Variants in DNAH6 observed in about 807,000 individuals in gnomAD.
The protein encoded by DNAH6 is dynein axonemal heavy chain 6.
A neutral mutation model predicts 491.4 loss-of-function variants in DNAH6; 340 were observed. The ratio of observed to expected loss-of-function variants is 0.69; its 90% CI spans 0.63 to 0.76. The LOEUF is 0.76. Ranked by LOEUF, DNAH6 falls within the 30% of genes least tolerant of loss-of-function variation. The pLI is 0.00. For missense variants in DNAH6, 4,443 were observed against 4,972.2 expected (o/e 0.89, Z 3.20); for synonymous variants, 1,603 against 1,686.1 (o/e 0.95, Z 1.21).
At position 84,550,026 on chromosome 2, in the gene DNAH6, C is replaced by G; in HGVS notation, c.1454C>G (p.Thr485Ser). Reference sequence around the variant, plus strand: ...GCAGATGTCATTCAGAAATGGATTACTGAAGAGAAGCCTGAAGTCCCTGAT... The same window carrying G: ...GCAGATGTCATTCAGAAATGGATTAGTGAAGAGAAGCCTGAAGTCCCTGAT... ...PSADVIQKWI[T>S]EEKPEVPDKK... Residue 485 changes from threonine (T) to serine (S), a missense_variant, in exon 9 of 77, where the codon ACT (threonine) becomes AGT (serine). By Grantham distance (58) the Thr-to-Ser change is moderately conservative. Coordinates refer to ENST00000389394, the MANE Select transcript of DNAH6 (RefSeq NM_001370.2). 1.2e-6 allele frequency: 2 copies of G among 1,613,410 alleles called. No individual in the cohort carries two copies. The highest frequency in any genetic ancestry group is 1.7e-6 in the Non-Finnish European group (2 of 1,179,822).
intron 59 of DNAH6, among the ~76,000 whole-genome samples, chr2:84,721,791 G>A (rs149448977): frequency 2.6e-5 from 4 of 152,268 alleles, no homozygotes; most frequent in Non-Finnish European, 2.9e-5. Context: ...CTTTGATGGA[G>A]CAAATACTGA....
At chr2:84,806,634 A>G (rs1679438351) in intron 71 of DNAH6, among the ~76,000 whole-genome samples, 2 of 141,818 alleles carry the variant, frequency 1.4e-5, no homozygotes. Flanking sequence ...AAAAAAAAAA[A>G]AAAAAAAAGG....
chr2:84,736,841 T>G (rs938312837), intron 62 of DNAH6, among the ~76,000 whole-genome samples: 19 of 152,190 alleles, frequency 1.2e-4, no homozygotes, highest in African/African-American at 4.1e-4. Context: ...CCTGATTGCT[T>G]TGGCTAGGAC....
At chr2:84,691,390 A>G (rs1386631457) in intron 45 of DNAH6, among the ~76,000 whole-genome samples, 1 of 152,238 alleles carries the variant, frequency 6.6e-6, no homozygotes, top group African/African-American at 2.4e-5. Context: ...ATTATTATCT[A>G]TTCACTCTGC....
chr2:84,713,674 C>T (rs1697260925), intron 57 of DNAH6, among the ~76,000 whole-genome samples: 1 of 152,158 alleles, frequency 6.6e-6, no homozygotes, highest in Non-Finnish European at 1.5e-5. Context: ...TGAATCAGAG[C>T]TTAGTTGAGA....
chr2:84,639,327 T>C (rs1689167304), intron 31 of DNAH6, among the ~76,000 whole-genome samples: 1 of 152,098 alleles, frequency 6.6e-6, no homozygotes, highest in African/African-American at 2.4e-5. Flanking sequence ...TAGTACTCAG[T>C]AATGGATTGG....
Position 84,540,623 on chromosome 2 carries a change from G to T in DNAH6, c.663-3610G>T, listed in dbSNP as rs72939153. On this transcript the variant is annotated intron_variant, in intron 4 of 76. Transcript: ENST00000389394. ...GTTCACTTTGAGTTATATCTGAAAT[G>T]ACTAATAATAATAGGACAATGATTG... Among the ~76,000 whole-genome samples the T allele has an allele frequency of 1.7e-3, 263 of 152,224 alleles. 1 individual carries two copies. The highest frequency in any genetic ancestry group is 0.014 in the Middle Eastern group (4 of 294).
At chr2:84,781,063 C>T (rs1470297407) in intron 64 of DNAH6, among the ~76,000 whole-genome samples, 1 of 152,134 alleles carries the variant, frequency 6.6e-6, no homozygotes, top group Non-Finnish European at 1.5e-5. Context: ...TTGACCCATA[C>T]ACTAATAATA....
intron 35 of DNAH6, among the ~76,000 whole-genome samples, chr2:84,655,853 A>G (rs566008560): frequency 3.1e-4 from 47 of 152,100 alleles, no homozygotes; most frequent in Non-Finnish European, 5.0e-4. Flanking sequence ...CTTTGTGTGC[A>G]ATTCATGGGT....
Position 84,686,477 on chromosome 2 carries a change from TA to T in DNAH6, c.7064-4del, listed in dbSNP as rs1335680275. ...ATATTTAAAACTTGGTTTTGTTCTT[TA>T]AATAGACAAACATTTTGGAATTGCA... On this transcript the variant is annotated splice_polypyrimidine_tract_variant and splice_region_variant and intron_variant, in intron 43 of 76. Coordinates refer to ENST00000389394, the MANE Select transcript of DNAH6 (RefSeq NM_001370.2). The T allele has an allele frequency of 6.7e-6, 10 of 1,499,318 alleles. No homozygotes were observed. The highest frequency in any genetic ancestry group is 1.7e-4 in the Middle Eastern group (1 of 5,836). 92.9% of individuals were successfully genotyped at this position (1,499,318 alleles called of 1,614,324 possible). A position where few individuals can be genotyped will look rare whatever the true frequency, so the allele number is the denominator to read the frequency against.
In DNAH6 at chr2:84,805,713, A is replaced by T; in HGVS notation, c.11530A>T (p.Arg3844Trp). ...LINTILEVQP[R>W]SSTGGEGKSN... is the part of the protein sequence containing the mutation. The stretch of plus-strand genomic sequence containing the variant: ...CAACACCATACTTGAGGTTCAGCCA[A>T]GGTCATCTACTGGTGGAGAGGGAAA... The change falls in exon 71 of 77, where the codon AGG becomes TGG. Residue 3844 changes from arginine (R) to tryptophan (W), a missense_variant. Coordinates refer to ENST00000389394, the MANE Select transcript of DNAH6 (RefSeq NM_001370.2). 6.4e-7 allele frequency: 1 copy of T among 1,551,826 alleles called. No individual in the cohort carries two copies. The highest frequency in any genetic ancestry group is 8.7e-7 in the Non-Finnish European group (1 of 1,146,958).
At chr2:84,759,931 G>C (rs921448287) in intron 63 of DNAH6, among the ~76,000 whole-genome samples, 1 of 152,162 alleles carries the variant, frequency 6.6e-6, no homozygotes, top group African/African-American at 2.4e-5. Flanking sequence ...CAAGGCTATA[G>C]TAATGAAAAC....
chr2:84,570,028 A>G (rs1255663964), intron 11 of DNAH6, among the ~76,000 whole-genome samples: 1 of 151,836 alleles, frequency 6.6e-6, no homozygotes, highest in African/African-American at 2.4e-5. Context: ...CAATGAGCAC[A>G]TCTAGTATCC....
intron 4 of DNAH6, among the ~76,000 whole-genome samples, chr2:84,529,482 A>G (rs1676949566): frequency 1.3e-5 from 2 of 152,168 alleles, no homozygotes; most frequent in African/African-American, 4.8e-5. Flanking sequence ...GGATGGCAAC[A>G]TATAAAAAGC....
Position 84,785,466 on chromosome 2 carries a change from G to A in DNAH6, c.10954-144G>A, listed in dbSNP as rs138524969. On this transcript the variant is annotated intron_variant, in intron 66 of 76. Coordinates refer to ENST00000389394, the MANE Select transcript of DNAH6 (RefSeq NM_001370.2). ...CCTGAGCAAGATACAAAGCAGGCTC[G>A]AACATGCCAGGAATGGTCCCCACCT... 2.7e-4 allele frequency: 210 copies of A among 788,140 alleles called. 4 individuals carry two copies. The East Asian group carries it at 6.3e-3, about 24-fold the overall frequency. 48.8% of individuals were successfully genotyped at this position (788,140 alleles called of 1,614,324 possible).
chr2:84,810,708 A>G (rs769672765), intron 72 of DNAH6, among the ~76,000 whole-genome samples: 22 of 152,186 alleles, frequency 1.4e-4, no homozygotes, highest in Non-Finnish European at 2.5e-4. Context: ...GTCTTGGGGA[A>G]TGCCATCCTG....
At chr2:84,609,030 A>T (rs1686049960) in intron 21 of DNAH6, among the ~76,000 whole-genome samples, 1 of 152,158 alleles carries the variant, frequency 6.6e-6, no homozygotes, top group African/African-American at 2.4e-5. Flanking sequence ...AGTCTCACGA[A>T]TCAACCTCTG....
the DNAH6 span, among the ~76,000 whole-genome samples, chr2:84,463,172 A>G: frequency 6.6e-6 from 1 of 152,142 alleles, no homozygotes; most frequent in African/African-American, 2.4e-5. Context: ...AATACCATCT[A>G]AGAGATTGTA....
intron 70 of DNAH6, among the ~76,000 whole-genome samples, chr2:84,798,982 T>C (rs954399997): frequency 6.7e-6 from 1 of 150,232 alleles, no homozygotes; most frequent in Non-Finnish European, 1.5e-5. Flanking sequence ...CCTCTTTTTT[T>C]CTTTCCTTTT....
Sources: gnomAD v4.1 joint callset for allele counts (sites outside exome capture counted in the v4.1 genomes callset) on GRCh38, gnomAD v4.1.1 for gene constraint, MANE v1.5 for transcripts, NCBI Gene and HGNC (gene_info 2026-07-23, HGNC 2026-07-21) for gene names.